WWOX: variants seen among roughly 807,000 people sequenced by gnomAD.
WWOX encodes WW domain containing oxidoreductase.
A neutral mutation model predicts 46.2 loss-of-function variants in WWOX; 69 were observed. The ratio of observed to expected loss-of-function variants is 1.49; its 90% confidence interval spans 1.23 to 1.82. WWOX has a LOEUF of 1.82. WWOX is among the 40% of genes most tolerant of loss of function. The probability of loss-of-function intolerance (pLI) is 0.00; values close to 1 mark genes in which losing one functional copy is unlikely to be tolerated. For synonymous variants in WWOX, 359 were observed against 202.6 expected (o/e 1.77, Z -6.56); for missense variants, 919 against 542.6 (o/e 1.69, Z -6.89).
intron 5 of WWOX, chr16:78,355,645 AG>A: frequency 1.6e-6 from 1 of 640,302 alleles, no homozygotes; most frequent in Admixed American, 1.9e-5. Context: ...GAGAGCTTCG[AG>A]GCAGATTACA....
At chr16:78,695,077 C>T (rs2048070545) in intron 8 of WWOX, among the ~76,000 whole-genome samples, 1 of 152,164 alleles carries the variant, frequency 6.6e-6, no homozygotes. Context: ...TTGATCTAGA[C>T]TGCCTGCTAC....
intron 8 of WWOX, among the ~76,000 whole-genome samples, chr16:78,629,304 C>T (rs1430131286): frequency 6.7e-6 from 1 of 150,172 alleles, no homozygotes; most frequent in Non-Finnish European, 1.5e-5. Flanking sequence ...TCCTTTGTCT[C>T]CCAGGAGCAC....
At chr16:78,894,100 G>A (rs905640293) in intron 8 of WWOX, among the ~76,000 whole-genome samples, 1 of 150,808 alleles carries the variant, frequency 6.6e-6, no homozygotes, top group Non-Finnish European at 1.5e-5. Flanking sequence ...GTGCAATAGT[G>A]TAGTCATGGC....
chr16:78,998,173 G>A (rs1047001251), intron 8 of WWOX, among the ~76,000 whole-genome samples: 4 of 152,152 alleles, frequency 2.6e-5, no homozygotes, highest in East Asian at 3.9e-4. Context: ...CATCGCGCCC[G>A]GCCTAGCCTC....
At chr16:78,234,821 G>T (rs1405134023) in intron 5 of WWOX, among the ~76,000 whole-genome samples, 1 of 151,458 alleles carries the variant, frequency 6.6e-6, no homozygotes, top group Non-Finnish European at 1.5e-5. Context: ...ACCCACACAG[G>T]TCTCATCAGC....
At chr16:78,771,371 C>G (rs1567548923) in intron 8 of WWOX, among the ~76,000 whole-genome samples, 1 of 152,106 alleles carries the variant, frequency 6.6e-6, no homozygotes, top group Non-Finnish European at 1.5e-5. Context: ...AATATATGTT[C>G]AAAGGTGGTT....
At chr16:78,988,015 G>T (rs368901897) in intron 8 of WWOX, among the ~76,000 whole-genome samples, 2 of 149,602 alleles carry the variant, frequency 1.3e-5, no homozygotes, top group African/African-American at 5.1e-5. Context: ...TTTTATAAAG[G>T]GGGGGTGGTC....
chr16:78,862,510 G>A (rs1020594047), intron 8 of WWOX, among the ~76,000 whole-genome samples: 3 of 151,890 alleles, frequency 2.0e-5, no homozygotes, highest in African/African-American at 4.8e-5. Flanking sequence ...CTGTATATAT[G>A]TATAAAGATA....
At chr16:78,601,808 G>A (rs2151617967) in intron 8 of WWOX, among the ~76,000 whole-genome samples, 1 of 152,232 alleles carries the variant, frequency 6.6e-6, no homozygotes, top group East Asian at 1.9e-4. Context: ...GGAAGAGTAG[G>A]GAAAGGTGAC....
chr16:78,329,705 A>T (rs1297023908), intron 5 of WWOX, among the ~76,000 whole-genome samples: 1 of 151,438 alleles, frequency 6.6e-6, no homozygotes, highest in Admixed American at 6.6e-5. Flanking sequence ...ATACATGGGG[A>T]GGTCTGTTTT....
At chr16:78,908,725 A>G (rs2045032024) in intron 8 of WWOX, among the ~76,000 whole-genome samples, 1 of 152,084 alleles carries the variant, frequency 6.6e-6, no homozygotes, top group African/African-American at 2.4e-5. Context: ...AGGGAGTTGA[A>G]GCTGGCCTCT....
intron 8 of WWOX, among the ~76,000 whole-genome samples, chr16:78,959,596 A>G (rs1371360082): frequency 6.6e-6 from 1 of 152,134 alleles, no homozygotes; most frequent in Non-Finnish European, 1.5e-5. Flanking sequence ...GAGAACCCGT[A>G]GTATTGACTC....
At chr16:78,135,550 A>G (rs1384960539) in intron 4 of WWOX, among the ~76,000 whole-genome samples, 1 of 152,160 alleles carries the variant, frequency 6.6e-6, no homozygotes, top group Non-Finnish European at 1.5e-5. Context: ...TAATCATAGG[A>G]GATTCTTCCA....
At chr16:78,923,045 A>C (rs960862739) in intron 8 of WWOX, among the ~76,000 whole-genome samples, 12 of 147,876 alleles carry the variant, frequency 8.1e-5, no homozygotes, top group African/African-American at 3.0e-4. Flanking sequence ...GCAATGGCGC[A>C]ATGTTGGTCC....
chr16:78,128,842 G>A (rs1319710770), intron 4 of WWOX, among the ~76,000 whole-genome samples: 1 of 152,184 alleles, frequency 6.6e-6, no homozygotes. Context: ...GGCAGCTGTG[G>A]CTTCTAAATT....
chr16:78,617,602 A>G (rs2046058860), intron 8 of WWOX, among the ~76,000 whole-genome samples: 1 of 152,068 alleles, frequency 6.6e-6, no homozygotes, highest in Admixed American at 6.5e-5. Flanking sequence ...GCAGGTGATG[A>G]TCCCTGAGGT....
chr16:79,058,548 A>G (rs1335628511), intron 8 of WWOX, among the ~76,000 whole-genome samples: 1 of 152,196 alleles, frequency 6.6e-6, no homozygotes, highest in Non-Finnish European at 1.5e-5. Context: ...TAGTCATGAT[A>G]TAGGGAATTG....
chr16:78,100,171 C>CA, intron 1 of WWOX: 2 of 1,276,324 alleles, frequency 1.6e-6, no homozygotes, highest in Non-Finnish European at 2.0e-6. Context: ...TCATCCCCGC[C>CA]AAAAAATAAA....
chr16:79,128,943 G>C (rs1017033646), intron 8 of WWOX, among the ~76,000 whole-genome samples: 1 of 152,280 alleles, frequency 6.6e-6, no homozygotes, highest in Non-Finnish European at 1.5e-5. Flanking sequence ...AGTGTGAAGG[G>C]AGCTGAGGCA....
Sources: gnomAD v4.1 joint callset for allele counts (sites outside exome capture counted in the v4.1 genomes callset) on GRCh38, gnomAD v4.1.1 for gene constraint, MANE v1.5 for transcripts, NCBI Gene and HGNC (gene_info 2026-07-23, HGNC 2026-07-21) for gene names.